The following PKNOX2 variants were observed in gnomAD, a reference collection of about 807,000 sequenced individuals.
The protein encoded by PKNOX2 is PBX/knotted 1 homeobox 2.
A neutral mutation model predicts 53.1 loss-of-function variants in PKNOX2; 14 were observed. The observed-to-expected ratio is 0.26, with a 90% CI of 0.17 to 0.41. The LOEUF is 0.41. Among genes scored for constraint, PKNOX2 ranks in the 10% least tolerant of loss-of-function variants. PKNOX2 has a pLI of 1.00. For synonymous variants in PKNOX2, 257 were observed against 242.8 expected (o/e 1.06, Z -0.54); for missense variants, 496 against 602.8 (o/e 0.82, Z 1.85).
intron 2 of PKNOX2, among the ~76,000 whole-genome samples, chr11:125,282,699 G>A (rs1946645393): frequency 1.3e-5 from 2 of 152,206 alleles, no homozygotes; most frequent in Admixed American, 6.5e-5. Context: ...TTCCAAGTGG[G>A]TGTAGAGGAC....
At chr11:125,304,118 C>T (rs1948260305) in intron 2 of PKNOX2, among the ~76,000 whole-genome samples, 1 of 152,168 alleles carries the variant, frequency 6.6e-6, no homozygotes, top group African/African-American at 2.4e-5. Flanking sequence ...CGGGAAACAC[C>T]TCAGGGCCTC....
chr11:125,381,381 C>T (rs898857409), intron 5 of PKNOX2, among the ~76,000 whole-genome samples: 2 of 152,116 alleles, frequency 1.3e-5, no homozygotes, highest in Non-Finnish European at 2.9e-5. Flanking sequence ...TGCAGAGCAG[C>T]TGGAGAGAGG....
intron 2 of PKNOX2, among the ~76,000 whole-genome samples, chr11:125,284,064 C>T (rs1213028249): frequency 6.6e-6 from 1 of 152,212 alleles, no homozygotes; most frequent in Admixed American, 6.5e-5. Context: ...CCTCTCTAGC[C>T]TTGGTCTCTC....
At chr11:125,391,472 A>G (rs1455537165) in intron 6 of PKNOX2, among the ~76,000 whole-genome samples, 2 of 152,230 alleles carry the variant, frequency 1.3e-5, no homozygotes, top group Non-Finnish European at 2.9e-5. Flanking sequence ...CTGAATGGCT[A>G]CTATATGCCC....
chr11:125,208,948 T>C (rs1343000438), intron 1 of PKNOX2, among the ~76,000 whole-genome samples: 2 of 151,840 alleles, frequency 1.3e-5, no homozygotes, highest in Non-Finnish European at 2.9e-5. Context: ...ACTGGAGTTG[T>C]GGGGCCAGTA....
intron 8 of PKNOX2, 40 bp from the exon 9 acceptor site, chr11:125,410,739 C>A: frequency 6.6e-7 from 1 of 1,511,806 alleles, no homozygotes; most frequent in Non-Finnish European, 9.2e-7. Flanking sequence ...CTCCTACCCA[C>A]TCCCATGGCA....
At chr11:125,222,917 T>A (rs1591486383) in intron 1 of PKNOX2, among the ~76,000 whole-genome samples, 1 of 152,206 alleles carries the variant, frequency 6.6e-6, no homozygotes, top group African/African-American at 2.4e-5. Flanking sequence ...AATGAATGAA[T>A]GAGCCTAGTT....
intron 2 of PKNOX2, among the ~76,000 whole-genome samples, chr11:125,309,201 T>TCTTTCTTCCTTCCTTCCTCTCTCTTC (rs1948653828): frequency 7.2e-6 from 1 of 139,348 alleles, no homozygotes; most frequent in African/African-American, 3.3e-5. Context: ...CCTTCCTCTC[T>TCTTTCTTCCTTCCTTCCTCTCTCTTC]CTTCCTTCCT....
At chr11:125,205,142 A>C (rs1483464092) in intron 1 of PKNOX2, among the ~76,000 whole-genome samples, 1 of 152,214 alleles carries the variant, frequency 6.6e-6, no homozygotes, top group East Asian at 1.9e-4. Context: ...TGCTCCATAC[A>C]TATTTTAATC....
chr11:125,349,836 A>AACACAC (rs1951199693), intron 3 of PKNOX2, among the ~76,000 whole-genome samples: 9 of 88,854 alleles, frequency 1.0e-4, no homozygotes, highest in African/African-American at 3.1e-4. Flanking sequence ...AACCAAAAGA[A>AACACAC]TCACACACAC....
intron 2 of PKNOX2, among the ~76,000 whole-genome samples, chr11:125,270,912 G>A (rs902683214): frequency 6.6e-6 from 1 of 151,900 alleles, no homozygotes; most frequent in East Asian, 1.9e-4. Context: ...GTGGAGATCT[G>A]TCTGACTTGA....
chr11:125,199,269 T>C (rs962298404), intron 1 of PKNOX2, among the ~76,000 whole-genome samples: 1 of 152,154 alleles, frequency 6.6e-6, no homozygotes, highest in Non-Finnish European at 1.5e-5. Flanking sequence ...CCCAAGCTCC[T>C]AGACTGCTCT....
At chr11:125,360,867 A>G (rs1463957089) in intron 4 of PKNOX2, among the ~76,000 whole-genome samples, 1 of 152,180 alleles carries the variant, frequency 6.6e-6, no homozygotes, top group African/African-American at 2.4e-5. Context: ...TTCCCATTTT[A>G]TAGATGAGAA....
intron 2 of PKNOX2, among the ~76,000 whole-genome samples, chr11:125,309,879 G>A (rs118023014): frequency 0.01 from 1,539 of 152,276 alleles, 12 homozygotes; most frequent in Admixed American, 0.016. Flanking sequence ...ATTCTCAACA[G>A]TATAAAGCTG....
chr11:125,193,153 C>A (rs1956980732), intron 1 of PKNOX2, among the ~76,000 whole-genome samples: 1 of 152,226 alleles, frequency 6.6e-6, no homozygotes, highest in Non-Finnish European at 1.5e-5. Flanking sequence ...TAAATTGGCT[C>A]TTTTCCCCCT....
chr11:125,277,801 ATGTT>A (rs1395254440), intron 2 of PKNOX2: 3 of 152,194 alleles, frequency 2.0e-5, no homozygotes, highest in African/African-American at 4.8e-5. Context: ...GGAAAGATAA[ATGTT>A]TGAGGTGATG....
intron 1 of PKNOX2, among the ~76,000 whole-genome samples, chr11:125,184,837 G>A (rs960014050): frequency 6.6e-6 from 1 of 152,266 alleles, no homozygotes; most frequent in Non-Finnish European, 1.5e-5. Flanking sequence ...ACACCATCCC[G>A]CATCTGTAGA....
intron 2 of PKNOX2, among the ~76,000 whole-genome samples, chr11:125,281,005 T>A (rs1946519991): frequency 6.6e-6 from 1 of 152,214 alleles, no homozygotes; most frequent in Non-Finnish European, 1.5e-5. Context: ...CGTCCTGGCT[T>A]CCTGGGCACC....
intron 1 of PKNOX2, among the ~76,000 whole-genome samples, chr11:125,208,726 CAAT>C (rs750093743): frequency 3.3e-5 from 5 of 151,992 alleles, no homozygotes; most frequent in Non-Finnish European, 7.4e-5. Flanking sequence ...AGGGATAAAT[CAAT>C]AAGAATTCCA....
Sources: allele counts gnomAD v4.1 joint callset (sites outside exome capture counted in the v4.1 genomes callset), GRCh38; gene constraint gnomAD v4.1.1; transcripts MANE v1.5; gene names NCBI Gene and HGNC (gene_info 2026-07-23, HGNC 2026-07-21).